KAZN: variants seen among roughly 807,000 people sequenced by gnomAD.
The protein encoded by KAZN is kazrin.
KAZN carries 40 observed loss-of-function variants against 87.4 expected under a neutral mutation model. That is an observed-to-expected ratio of 0.46 (90% confidence interval 0.36 to 0.60). The LOEUF is 0.60. Among genes scored for constraint, KAZN ranks in the 20% least tolerant of loss-of-function variants. The pLI is 0.00. For missense variants in KAZN, 898 were observed against 1,073.9 expected (o/e 0.84, Z 2.29); for synonymous variants, 466 against 458.3 (o/e 1.02, Z -0.22).
rs79092407 is a variant in KAZN at position 14,011,508 on chromosome 1, C to A, written c.91+117752C>A. ...AATCATTGGTCCCATCGTGGAATAC[C>A]CCCAGAGACAGTGAGCTCATTCTTC... On this transcript the variant is annotated intron_variant, in intron 1 of 16. Coordinates refer to the KAZN transcript ENST00000636203. Among the ~76,000 whole-genome samples the A allele has an allele frequency of 1.7e-3, 260 of 152,286 alleles. 5 individuals carry two copies. In the East Asian group the frequency reaches 0.042, roughly 24 times the overall value.
chr1:14,139,396 A>T (rs1645183114), intron 1 of KAZN, among the ~76,000 whole-genome samples: 1 of 152,168 alleles, frequency 6.6e-6, no homozygotes, highest in African/African-American at 2.4e-5. Context: ...TTAAGCCTCC[A>T]CTGCCGATGT....
intron 12 of KAZN, among the ~76,000 whole-genome samples, chr1:15,103,672 G>A (rs1401270290): frequency 6.6e-6 from 1 of 151,126 alleles, no homozygotes; most frequent in Non-Finnish European, 1.5e-5. Flanking sequence ...CTGTTATTCA[G>A]GAGGAGGGAA....
chr1:15,012,270 C>T (rs935490377), intron 2 of KAZN, among the ~76,000 whole-genome samples: 1 of 152,154 alleles, frequency 6.6e-6, no homozygotes, highest in African/African-American at 2.4e-5. Context: ...GCTCCAGTTT[C>T]CTGCTGGTAG....
chr1:14,173,904 G>C (rs1005525471), intron 1 of KAZN, among the ~76,000 whole-genome samples: 2 of 152,130 alleles, frequency 1.3e-5, no homozygotes, highest in Non-Finnish European at 2.9e-5. Context: ...CAAAATAAGA[G>C]AGCTGCTTTT....
intron 1 of KAZN, among the ~76,000 whole-genome samples, chr1:14,010,636 T>A (rs1337796800): frequency 6.6e-6 from 1 of 152,204 alleles, no homozygotes; most frequent in Admixed American, 6.5e-5. Context: ...GGGCTGAGAC[T>A]CCTATGTCAT....
chr1:14,109,260 AAG>A (rs1314088243), intron 1 of KAZN, among the ~76,000 whole-genome samples: 5 of 152,212 alleles, frequency 3.3e-5, no homozygotes, highest in African/African-American at 9.6e-5. Context: ...ATAGAGGACA[AAG>A]AGTATTTGCA....
intron 1 of KAZN, among the ~76,000 whole-genome samples, chr1:13,920,923 A>G (rs1455550730): frequency 1.3e-5 from 2 of 152,178 alleles, no homozygotes; most frequent in African/African-American, 4.8e-5. Context: ...CAAGATGGCG[A>G]TGCTCCTGCG....
intron 1 of KAZN, among the ~76,000 whole-genome samples, chr1:13,910,539 C>T (rs530363284): frequency 6.6e-4 from 100 of 151,872 alleles, no homozygotes; most frequent in African/African-American, 2.1e-3. Flanking sequence ...ACCTCCCCCA[C>T]CTTGCTCCTG....
chr1:14,148,090 G>A (rs924434597), intron 1 of KAZN, among the ~76,000 whole-genome samples: 5 of 151,452 alleles, frequency 3.3e-5, no homozygotes, highest in East Asian at 3.9e-4. Context: ...GTGTGGTGGC[G>A]GGCACCTGTG....
At chr1:14,183,708 A>AC (rs1481777644) in intron 2 of KAZN, among the ~76,000 whole-genome samples, 2 of 152,006 alleles carry the variant, frequency 1.3e-5, no homozygotes, top group East Asian at 1.9e-4. Flanking sequence ...CTCTCCCTTT[A>AC]CCCCCCAAAG....
At chr1:14,718,400 A>G (rs2100265704) in intron 1 of KAZN, among the ~76,000 whole-genome samples, 1 of 152,254 alleles carries the variant, frequency 6.6e-6, no homozygotes, top group East Asian at 1.9e-4. Context: ...GATTTCCCCC[A>G]ACCTGGCATG....
Position 14,607,407 on chromosome 1 carries a change from T to G in KAZN, c.226+8184T>G, listed in dbSNP as rs377724769. Among the ~76,000 whole-genome samples the G allele has an allele frequency of 5.3e-5, 8 of 152,346 alleles. No homozygotes were observed. The East Asian group carries it at 1.5e-3, about 29-fold the overall frequency. On this transcript the variant is annotated intron_variant, in intron 1 of 14. Transcript: ENST00000376030. Reference sequence around the variant, plus strand: ...CACAAGCCAGTGTGATTCCAGAGACTGCCTGGCGTCTCCACCAGGATGCTC... The same window carrying G: ...CACAAGCCAGTGTGATTCCAGAGACGGCCTGGCGTCTCCACCAGGATGCTC...
intron 1 of KAZN, among the ~76,000 whole-genome samples, chr1:14,656,325 G>A (rs1027733662): frequency 1.5e-4 from 23 of 152,088 alleles, no homozygotes; most frequent in East Asian, 1.4e-3. Flanking sequence ...GACAGTTTCC[G>A]GTCCCAGAAG....
At chr1:14,942,301 C>T (rs1482194965) in intron 1 of KAZN, among the ~76,000 whole-genome samples, 1 of 151,988 alleles carries the variant, frequency 6.6e-6, no homozygotes, top group Non-Finnish European at 1.5e-5. Flanking sequence ...AAAGAGGAAA[C>T]GTCCCCAGAC....
chr1:14,030,535 C>G (rs1402269128), intron 1 of KAZN, among the ~76,000 whole-genome samples: 2 of 151,680 alleles, frequency 1.3e-5, no homozygotes, highest in East Asian at 3.9e-4. Flanking sequence ...ACATATGTAA[C>G]TAACCCGCAC....
chr1:14,183,266 A>G (rs1424384491), intron 2 of KAZN, among the ~76,000 whole-genome samples: 1 of 152,174 alleles, frequency 6.6e-6, no homozygotes, highest in Non-Finnish European at 1.5e-5. Context: ...ACATCTCCCA[A>G]GTATAATGGG....
Position 14,205,884 on chromosome 1 carries a change from C to CAAAAAAAAAAAAAAAAAA in KAZN, c.249+25297_249+25314dup, listed in dbSNP as rs70997121. ...CAGGCGACAGAGCAAGACACTGTCT[C>CAAAAAAAAAAAAAAAAAA]AAAAAAAAAAAAAAAAAAAAAAGCT... On this transcript the variant is annotated intron_variant, in intron 2 of 16. Transcript: ENST00000636203. 3.3e-3 allele frequency among the ~76,000 whole-genome samples: 115 copies of CAAAAAAAAAAAAAAAAAA among 35,214 alleles called. 46 individuals are homozygous for CAAAAAAAAAAAAAAAAAA. Among genetic ancestry groups the CAAAAAAAAAAAAAAAAAA allele is most frequent in the African/African-American group, 6.9e-3 (50 of 7,224 alleles). 23.1% of individuals were successfully genotyped at this position (35,214 alleles called of 152,430 possible).
intron 1 of KAZN, among the ~76,000 whole-genome samples, chr1:14,801,352 T>G (rs1279334300): frequency 6.6e-6 from 1 of 152,096 alleles, no homozygotes; most frequent in East Asian, 1.9e-4. Flanking sequence ...TCACTGTCGG[T>G]TTCGTGACGA....
chr1:14,412,910 T>C (rs1352013170), intron 2 of KAZN, among the ~76,000 whole-genome samples: 3 of 150,302 alleles, frequency 2.0e-5, no homozygotes, highest in African/African-American at 7.3e-5. Flanking sequence ...ATAAATCAAC[T>C]GACTGAAATA....
Sources: allele counts gnomAD v4.1 joint callset (sites outside exome capture counted in the v4.1 genomes callset), GRCh38; gene constraint gnomAD v4.1.1; transcripts MANE v1.5; gene names NCBI Gene and HGNC (gene_info 2026-07-23, HGNC 2026-07-21).